The following CRYGN variants were observed in gnomAD, a reference collection of about 807,000 sequenced individuals.
CRYGN encodes gamma-crystallin N.
A neutral mutation model predicts 19.2 loss-of-function variants in CRYGN; 17 were observed. The ratio of observed to expected loss-of-function variants is 0.89; its 90% confidence interval spans 0.61 to 1.33. The LOEUF (loss-of-function observed/expected upper bound fraction) is 1.33, where lower values mean the gene tolerates loss of function less well. CRYGN is among the 40% of genes most tolerant of loss of function. The pLI is 0.00. For missense variants in CRYGN, 239 were observed against 239.6 expected, an observed-to-expected ratio of 1.00 and a Z score of 0.02; for synonymous variants, 84 against 85.8, an observed-to-expected ratio of 0.98 and a Z score of 0.12.
Position 151,435,886 on chromosome 7 carries a change from T to G in CRYGN, c.416+294A>C, listed in dbSNP as rs1319757594. Among the ~76,000 whole-genome samples, 1 of 152,112 alleles carries G rather than the reference T, an allele frequency of 6.6e-6. No individual in the cohort carries two copies. Among genetic ancestry groups the G allele is most frequent in the African/African-American group, 2.4e-5 (1 of 41,416 alleles). On this transcript the variant is annotated intron_variant, in intron 3 of 3. Coordinates refer to ENST00000337323, the MANE Select transcript of CRYGN (RefSeq NM_144727.3). This position sits in a 1 kb window ranked among gnomAD's most constrained non-coding sequence, Gnocchi z 4.2. The stretch of plus-strand genomic sequence containing the variant: ...GAACCGTGCAACTTTCAAGGTACTC[T>G]CCTACCTCTGCTCCTGGACTGAGGC...
At chr7:151,437,391 C>T (rs73476460) in intron 2 of CRYGN, among the ~76,000 whole-genome samples, 3,071 of 152,300 alleles carry the variant, frequency 0.02, 76 homozygotes, top group East Asian at 0.056. Flanking sequence ...CCTGGGGGAA[C>T]GGCCTTGCTT....
chr7:151,436,373 T>C lies in CRYGN; in HGVS notation c.271-48A>G, dbSNP rs770953961. ...AGGAAAGAAGGAGGTTGCTGTGAATTCCCCTCTCCCAGAAACAGAAGCCCC... is the reference window on the plus strand; with the variant it reads ...AGGAAAGAAGGAGGTTGCTGTGAATCCCCCTCTCCCAGAAACAGAAGCCCC... On this transcript the variant is annotated intron_variant, in intron 2 of 3. Coordinates refer to ENST00000337323, the MANE Select transcript of CRYGN (RefSeq NM_144727.3). The surrounding 1 kb of genome is among the most constrained non-coding windows in gnomAD (Gnocchi z 5.1). 34 of 1,453,738 alleles carry C rather than the reference T, an allele frequency of 2.3e-5. No individual in the cohort carries two copies. In the African/African-American group the frequency reaches 4.3e-4, roughly 19 times the overall value. The allele number at this position is 1,453,738 out of a possible 1,614,324, so 90.1% of individuals were successfully genotyped here. A position where few individuals can be genotyped will look rare whatever the true frequency, so the allele number is the denominator to read the frequency against.
chr7:151,433,393 C>A lies in CRYGN; in HGVS notation c.416+2787G>T, dbSNP rs1174740688. ...CCAAGGAAGACACCTCAGGACAGCT[C>A]GGAGCAGGGGCTGGCCCAACCCTGT... is the stretch of plus-strand genomic sequence containing the variant. On this transcript the variant is annotated intron_variant, in intron 3 of 3. Transcript: ENST00000337323. The surrounding 1 kb of genome is among the most constrained non-coding windows in gnomAD (Gnocchi z 5.1). The A allele has an allele frequency of 6.5e-6, 1 of 153,164 alleles. No individual in the cohort carries two copies. The highest frequency in any genetic ancestry group is 2.4e-5 in the African/African-American group (1 of 41,444). 9.5% of individuals were successfully genotyped at this position (153,164 alleles called of 1,614,324 possible). A position where few individuals can be genotyped will look rare whatever the true frequency, so the allele number is the denominator to read the frequency against.
Position 151,430,918 on chromosome 7 carries a change from G to A in CRYGN, c.417-738C>T, listed in dbSNP as rs936036582. On this transcript the variant is annotated intron_variant, in intron 3 of 3. Transcript: ENST00000337323. This position sits in a 1 kb window ranked among gnomAD's most constrained non-coding sequence, Gnocchi z 5.2. ...CACAGCCAGAACTCTGTGGGCACAC[G>A]GGTGATCCAACCCATGCACCTGGCC... is the stretch of plus-strand genomic sequence containing the variant. 6.6e-6 allele frequency among the ~76,000 whole-genome samples: 1 copy of A among 152,110 alleles called. No homozygotes were observed.
At chr7:151,434,511 G>A (rs573327518) in intron 3 of CRYGN, among the ~76,000 whole-genome samples, 21 of 152,326 alleles carry the variant, frequency 1.4e-4, no homozygotes, top group African/African-American at 4.3e-4. Context: ...CAGCTAGAGT[G>A]ACAGAAACAG....
chr7:151,437,984 G>C lies in CRYGN; in HGVS notation c.270+12C>G. On this transcript the variant is annotated intron_variant, in intron 2 of 3. Transcript: ENST00000337323. ...CAGGAAGACTCAGCCTTCGGTGGAC[G>C]GGCCCACTCACCATTCCTACAGGCC... The C allele has an allele frequency of 6.2e-7, 1 of 1,611,748 alleles. No individual in the cohort carries two copies. Among genetic ancestry groups the C allele is most frequent in the Non-Finnish European group, 8.5e-7 (1 of 1,180,018 alleles).
In CRYGN at chr7:151,430,144, G is replaced by A; in HGVS notation, c.453C>T (p.Phe151=). 1 of 1,613,548 alleles carries A rather than the reference G, an allele frequency of 6.2e-7. No homozygotes were observed. The change falls in exon 4 of 4, where the codon TTC becomes TTT. Residue 151 remains phenylalanine, a synonymous_variant. Coordinates refer to ENST00000337323, the MANE Select transcript of CRYGN (RefSeq NM_144727.3). The surrounding 1 kb of genome is among the most constrained non-coding windows in gnomAD (Gnocchi z 5.2). ...CTGATTGAAGAGAGCTGCTCAGCTG[G>A]AAGTCCTCAGCTCCGAAGCTTCTAG... ...WSPRSFGAED[F]QLSSSLQSDQ...
rs200472415 is a variant in CRYGN, at chr7:151,438,004, C to T, written c.262G>A (p.Val88Ile). Residue 88 changes from valine (V) to isoleucine (I), a missense_variant, in exon 2 of 4, where the codon GTA becomes ATA. Physicochemically the swap from Val to Ile is conservative, Grantham distance 29. Coordinates refer to ENST00000337323, the MANE Select transcript of CRYGN (RefSeq NM_144727.3). ...HSDHMGSCRP[V>I]GMHGEHFRLE... ...TGGACGGGCCCACTCACCATTCCTA[C>T]AGGCCGACAGGAGCCCATGTGGTCA... The T allele has an allele frequency of 9.9e-6, 16 of 1,613,250 alleles. No homozygotes were observed. In the South Asian group the frequency reaches 1.3e-4, roughly 13 times the overall value.
chr7:151,439,471 C>T (rs1034782884), intron 1 of CRYGN, among the ~76,000 whole-genome samples: 3 of 152,138 alleles, frequency 2.0e-5, no homozygotes, highest in Non-Finnish European at 4.4e-5. Flanking sequence ...GGATTCGGGG[C>T]TCCCTCAAAT....
In CRYGN at chr7:151,440,046, G is replaced by A; in HGVS notation, c.-129C>T. 1 of 1,353,476 alleles carries A rather than the reference G, an allele frequency of 7.4e-7. No homozygotes were observed. The highest frequency in any genetic ancestry group is 9.5e-7 in the Non-Finnish European group (1 of 1,055,112). The allele number at this position is 1,353,476 out of a possible 1,614,324, so 83.8% of individuals were successfully genotyped here. A position where few individuals can be genotyped will look rare whatever the true frequency, so the allele number is the denominator to read the frequency against. On this transcript the variant is annotated 5_prime_UTR_variant, in exon 1 of 4. Coordinates refer to ENST00000337323, the MANE Select transcript of CRYGN (RefSeq NM_144727.3). ...TAGTGCTGTCGGGCGTGCTAAGCCC[G>A]AGGGGCCACCAGGCGGTTGGGACCC...
intron 1 of CRYGN, among the ~76,000 whole-genome samples, chr7:151,439,676 G>A (rs1563083144): frequency 6.6e-6 from 1 of 152,174 alleles, no homozygotes; most frequent in Non-Finnish European, 1.5e-5. Context: ...AGGGCGAGGG[G>A]TTGGAATCCC....
At chr7:151,438,266 G>C in intron 1 of CRYGN, 22 bp from the exon 2 acceptor site, 1 of 1,591,828 alleles carries the variant, frequency 6.3e-7, no homozygotes, top group South Asian at 1.1e-5. Flanking sequence ...AGGTTACAGA[G>C]CTCAGGGTCA....
Position 151,430,668 on chromosome 7 carries a change from C to T in CRYGN, c.417-488G>A, listed in dbSNP as rs1195340973. ...GGCCTGTCGGGGTGTCTCAGTTCAA[C>T]TCAGATAGTAACCCAGGGCTCATGG... On this transcript the variant is annotated intron_variant, in intron 3 of 3. Transcript: ENST00000337323. This position sits in a 1 kb window ranked among gnomAD's most constrained non-coding sequence, Gnocchi z 5.2. Among the ~76,000 whole-genome samples, 3 of 152,250 alleles carry T rather than the reference C, an allele frequency of 2.0e-5. No homozygotes were observed. The highest frequency in any genetic ancestry group is 2.9e-5 in the Non-Finnish European group (2 of 68,042).
rs781449100 is a variant in CRYGN at position 151,438,193 on chromosome 7, C to G, written c.73G>C (p.Gly25Arg). ...HFTGQKLEVF[G>R]DCDNFQDRGF... is the part of the protein sequence containing the mutation. ...CGGTCCTGGAAGTTGTCACAGTCCCCGAAGACCTCCAGCTTCTGCCCTGTG... is the reference window on the plus strand; with the variant it reads ...CGGTCCTGGAAGTTGTCACAGTCCCGGAAGACCTCCAGCTTCTGCCCTGTG... The change falls in exon 2 of 4, where the codon GGG (glycine) becomes CGG (arginine). Residue 25 changes from glycine (G) to arginine (R), a missense_variant. By Grantham distance (125) the Gly-to-Arg change is moderately radical. Transcript: ENST00000337323. 3 of 1,613,970 alleles carry G rather than the reference C, an allele frequency of 1.9e-6. No homozygotes were observed. The highest frequency in any genetic ancestry group is 2.5e-6 in the Non-Finnish European group (3 of 1,180,038).
chr7:151,436,358 GAGGT>G lies in CRYGN; in HGVS notation c.271-37_271-34del. On this transcript the variant is annotated intron_variant, in intron 2 of 3. Coordinates refer to ENST00000337323, the MANE Select transcript of CRYGN (RefSeq NM_144727.3). The surrounding 1 kb of genome is among the most constrained non-coding windows in gnomAD (Gnocchi z 5.1). ...ACCAAGCAAAAAAGAAGGAAAGAAG[GAGGT>G]TGCTGTGAATTCCCCTCTCCCAGAA... 2 of 1,323,804 alleles carry G rather than the reference GAGGT, an allele frequency of 1.5e-6. No individual in the cohort carries two copies. Among genetic ancestry groups the G allele is most frequent in the South Asian group, 1.5e-5 (1 of 67,896 alleles). 82.0% of individuals were successfully genotyped at this position (1,323,804 alleles called of 1,614,324 possible). A position where few individuals can be genotyped will look rare whatever the true frequency, so the allele number is the denominator to read the frequency against.
In CRYGN at chr7:151,435,841, T is replaced by C. The variant is rs1042773955; in HGVS notation, c.416+339A>G. Among the ~76,000 whole-genome samples the C allele has an allele frequency of 1.3e-5, 2 of 152,058 alleles. No individual in the cohort carries two copies. The highest frequency in any genetic ancestry group is 4.8e-5 in the African/African-American group (2 of 41,410). On this transcript the variant is annotated intron_variant, in intron 3 of 3. Transcript: ENST00000337323. The surrounding 1 kb of genome is among the most constrained non-coding windows in gnomAD (Gnocchi z 4.2). ...TTCAAGAAAACCAAAGGCGGCCCCT[T>C]GTATCAGATCAATCGCAGAGAACCG...
chr7:151,431,163 C>T lies in CRYGN; in HGVS notation c.417-983G>A, dbSNP rs1365216731. ...CATTCAGGACTCTGCTGGAGGGCTG[C>T]CGGCAGCAGGGAGTTACCTGGGCCA... On this transcript the variant is annotated intron_variant, in intron 3 of 3. Coordinates refer to ENST00000337323, the MANE Select transcript of CRYGN (RefSeq NM_144727.3). This position sits in a 1 kb window ranked among gnomAD's most constrained non-coding sequence, Gnocchi z 4.8. Among the ~76,000 whole-genome samples, 1 of 152,184 alleles carries T rather than the reference C, an allele frequency of 6.6e-6. No homozygotes were observed. Among genetic ancestry groups the T allele is most frequent in the African/African-American group, 2.4e-5 (1 of 41,440 alleles).
intron 3 of CRYGN, chr7:151,432,372 G>C: frequency 1.3e-6 from 1 of 756,950 alleles, no homozygotes; most frequent in Non-Finnish European, 1.8e-6. Flanking sequence ...TGGCCACCCA[G>C]CAACCCCTCC....
At chr7:151,434,178 C>T (rs1445926055) in intron 3 of CRYGN, among the ~76,000 whole-genome samples, 1 of 152,182 alleles carries the variant, frequency 6.6e-6, no homozygotes, top group African/African-American at 2.4e-5. Flanking sequence ...AAAGGCTGAG[C>T]TCCTGGGTCC....
Sources: allele counts gnomAD v4.1 joint callset (sites outside exome capture counted in the v4.1 genomes callset), GRCh38; gene constraint gnomAD v4.1.1; non-coding constraint Gnocchi (gnomAD v3.1); transcripts MANE v1.5; gene names NCBI Gene and HGNC (gene_info 2026-07-23, HGNC 2026-07-21).